The following TLR5 variants were observed in gnomAD, a reference collection of about 807,000 sequenced individuals.
TLR5 encodes toll like receptor 5.
For missense variants in TLR5, 944 were observed against 999.8 expected, an observed-to-expected ratio of 0.94 and a Z score of 0.75; for synonymous variants, 373 against 384.4, an observed-to-expected ratio of 0.97 and a Z score of 0.35.
At chr1:223,142,798 G>C (rs1251830933) in intron 1 of TLR5, among the ~76,000 whole-genome samples, 2 of 152,294 alleles carry the variant, frequency 1.3e-5, no homozygotes, top group South Asian at 4.1e-4. Context: ...TTCCAAGGAA[G>C]AAAGTGACTG....
At chr1:223,135,061 G>A (rs1657554359) in intron 3 of TLR5, among the ~76,000 whole-genome samples, 197 bp from the exon 4 acceptor site, 1 of 152,130 alleles carries the variant, frequency 6.6e-6, no homozygotes. Context: ...TGTGTAGTCT[G>A]TGCTGGGCTA....
chr1:223,133,817 G>C (rs1657490508), intron 4 of TLR5, among the ~76,000 whole-genome samples: 1 of 151,984 alleles, frequency 6.6e-6, no homozygotes. Flanking sequence ...CTGATTTCAG[G>C]AGATGCGCTT....
intron 2 of TLR5, among the ~76,000 whole-genome samples, chr1:223,138,275 C>G (rs1454480748): frequency 6.6e-6 from 1 of 151,784 alleles, no homozygotes; most frequent in African/African-American, 2.4e-5. Flanking sequence ...CTATGAATCT[C>G]CTTGTGGGTT....
At chr1:223,119,499 C>CA (rs914090515) in intron 5 of TLR5, among the ~76,000 whole-genome samples, 48 of 150,304 alleles carry the variant, frequency 3.2e-4, no homozygotes, top group Non-Finnish European at 4.4e-4. Context: ...AAGCACATTC[C>CA]AAAAAAAAAC....
Position 223,111,327 on chromosome 1 carries a change from C to G in TLR5, c.1705G>C (p.Val569Leu), listed in dbSNP as rs1464468999. The G allele has an allele frequency of 6.2e-7, 1 of 1,614,106 alleles. No homozygotes were observed. The highest frequency in any genetic ancestry group is 1.7e-5 in the Admixed American group (1 of 60,008). ...GTTATATCCAAGACACTAAGTGATA[C>G]AAATACATCAGGATTAGGAGCTAGG... is the stretch of plus-strand genomic sequence containing the variant. ...QLLAPNPDVFVSLSVLDITHN... is the reference protein window; with the variant it reads ...QLLAPNPDVFLSLSVLDITHN... Residue 569 changes from valine to leucine, a missense_variant, in exon 6 of 6, where the codon GTA becomes CTA. Coordinates refer to ENST00000642603, the MANE Select transcript of TLR5 (RefSeq NM_003268.6).
chr1:223,138,081 C>T (rs1265410855), intron 2 of TLR5, among the ~76,000 whole-genome samples: 1 of 144,816 alleles, frequency 6.9e-6, no homozygotes, highest in African/African-American at 2.6e-5. Flanking sequence ...ACCTCAGCTT[C>T]TGGAGTAGCT....
chr1:223,110,446 C>T lies in TLR5; in HGVS notation c.*9G>A, dbSNP rs1656257716. 2.5e-6 allele frequency: 4 copies of T among 1,613,708 alleles called. No individual in the cohort carries two copies. Among genetic ancestry groups the T allele is most frequent in the Non-Finnish European group, 3.4e-6 (4 of 1,179,956 alleles). On this transcript the variant is annotated 3_prime_UTR_variant, in exon 6 of 6. Transcript: ENST00000642603. ...GTGGCTTGAGATAAGTTGGAAATTG[C>T]TCCTTTGATTAGGAGATGGTTGCTA...
At position 223,141,818 on chromosome 1, in the gene TLR5, TATATAGAGAGAGAGAGAGAGAG is replaced by T. The variant is rs1251044886; in HGVS notation, c.-554-77_-554-56del. Reference sequence around the variant, plus strand: ...ATATATATATATATATATATATATATATATAGAGAGAGAGAGAGAGAGAGAGAGAGAGAGAGAGAAAGAGAGA... The same window carrying T: ...ATATATATATATATATATATATATATAGAGAGAGAGAGAGAGAAAGAGAGA... On this transcript the variant is annotated intron_variant, in intron 1 of 5. Transcript: ENST00000642603. 1.4e-4 allele frequency: 6 copies of T among 43,288 alleles called. No homozygotes were observed. In the South Asian group the frequency reaches 5.7e-3, roughly 41 times the overall value. 2.7% of individuals were successfully genotyped at this position (43,288 alleles called of 1,614,324 possible).
intron 5 of TLR5, among the ~76,000 whole-genome samples, chr1:223,130,241 T>C (rs1456502452): frequency 6.6e-6 from 1 of 152,212 alleles, no homozygotes; most frequent in African/African-American, 2.4e-5. Context: ...AAACCTCTTC[T>C]AGAAATTTGT....
chr1:223,132,193 T>A (rs1473229750), intron 5 of TLR5, among the ~76,000 whole-genome samples: 3 of 151,934 alleles, frequency 2.0e-5, no homozygotes, highest in African/African-American at 7.3e-5. Flanking sequence ...TGAGACCTTG[T>A]CTCTACAAAA....
chr1:223,111,291 A>ATGTTATAT lies in TLR5; in HGVS notation c.1740_1741insATATAACA (p.Phe581IlefsTer2). On this transcript the variant is annotated stop_gained and frameshift_variant, in exon 6 of 6. Coordinates refer to ENST00000642603, the MANE Select transcript of TLR5 (RefSeq NM_003268.6). LOFTEE classifies it low-confidence loss of function (END_TRUNC). Reference sequence around the variant, plus strand: ...GTGCTAAGTTCACATTCACAAATGAACTTGTTATGAGTTATATCCAAGACA... The same window carrying ATGTTATAT: ...GTGCTAAGTTCACATTCACAAATGAATGTTATATCTTGTTATGAGTTATATCCAAGACA... 1.2e-6 allele frequency: 2 copies of ATGTTATAT among 1,614,190 alleles called. No homozygotes were observed. The highest frequency in any genetic ancestry group is 1.7e-6 in the Non-Finnish European group (2 of 1,180,046).
At chr1:223,116,361 C>G (rs1359758890) in intron 5 of TLR5, among the ~76,000 whole-genome samples, 1 of 152,124 alleles carries the variant, frequency 6.6e-6, no homozygotes, top group Non-Finnish European at 1.5e-5. Context: ...TAGACCTTCA[C>G]GGTGAGTGTT....
At chr1:223,136,834 A>ATT (rs527804452) in intron 3 of TLR5, among the ~76,000 whole-genome samples, 1 of 149,024 alleles carries the variant, frequency 6.7e-6, no homozygotes, top group African/African-American at 2.5e-5. Context: ...TGTTTTTTAA[A>ATT]TTTTTTTTTT....
intron 5 of TLR5, among the ~76,000 whole-genome samples, chr1:223,114,681 C>T (rs1311922891): frequency 6.6e-6 from 1 of 152,148 alleles, no homozygotes; most frequent in Non-Finnish European, 1.5e-5. Context: ...TACAGCAAAT[C>T]AGAAGTAGGC....
chr1:223,139,472 G>C (rs1657750601), intron 2 of TLR5, among the ~76,000 whole-genome samples: 1 of 152,186 alleles, frequency 6.6e-6, no homozygotes, highest in African/African-American at 2.4e-5. Context: ...AACCCAGCCT[G>C]AGGGGCCTCT....
intron 2 of TLR5, among the ~76,000 whole-genome samples, chr1:223,137,656 G>A (rs2102939463): frequency 6.6e-6 from 1 of 152,306 alleles, no homozygotes; most frequent in South Asian, 2.1e-4. Context: ...ACTTGCAGAG[G>A]ACAGGAAAGG....
At chr1:223,142,882 T>C (rs1378374783) in intron 1 of TLR5, among the ~76,000 whole-genome samples, 1 of 152,144 alleles carries the variant, frequency 6.6e-6, no homozygotes, top group African/African-American at 2.4e-5. Context: ...GGACCCGCTC[T>C]GTTTCAAAGC....
At chr1:223,128,621 G>C (rs1300357022) in intron 5 of TLR5, 1 of 152,206 alleles carries the variant, frequency 6.6e-6, no homozygotes, top group Admixed American at 6.5e-5. Context: ...AAATTGAAAG[G>C]AAAATCCTAA....
chr1:223,112,053 T>C lies in TLR5; in HGVS notation c.979A>G (p.Ile327Val). 6.2e-7 allele frequency: 1 copy of C among 1,614,204 alleles called. No individual in the cohort carries two copies. The highest frequency in any genetic ancestry group is 8.5e-7 in the Non-Finnish European group (1 of 1,180,032). ...AGTCCGTAAAATGCTTCATCTGCAATCTTATTTATCTTGTTGTAGGCAAGG... is the reference window on the plus strand; with the variant it reads ...AGTCCGTAAAATGCTTCATCTGCAACCTTATTTATCTTGTTGTAGGCAAGG... ...LNLAYNKINK[I>V]ADEAFYGLDN... Residue 327 changes from isoleucine to valine, a missense_variant, in exon 6 of 6, where the codon ATT becomes GTT. Coordinates refer to ENST00000642603, the MANE Select transcript of TLR5 (RefSeq NM_003268.6).
Sources: gnomAD v4.1 joint callset for allele counts (sites outside exome capture counted in the v4.1 genomes callset) on GRCh38, gnomAD v4.1.1 for gene constraint, MANE v1.5 for transcripts, NCBI Gene and HGNC (gene_info 2026-07-23, HGNC 2026-07-21) for gene names.